The following SUMF1 variants were observed in gnomAD, a reference collection of about 807,000 sequenced individuals.
SUMF1 encodes sulfatase modifying factor 1.
A neutral mutation model predicts 47.6 loss-of-function variants in SUMF1; 48 were observed. The ratio of observed to expected loss-of-function variants is 1.01; its 90% CI spans 0.80 to 1.28. The LOEUF is 1.28. SUMF1 is among the 50% of genes most tolerant of loss of function. SUMF1 has a pLI of 0.00. For synonymous variants in SUMF1, 230 were observed against 192.1 expected, an observed-to-expected ratio of 1.20 and a Z score of -1.63; for missense variants, 571 against 485.4, an observed-to-expected ratio of 1.18 and a Z score of -1.66.
intron 8 of SUMF1, among the ~76,000 whole-genome samples, chr3:4,260,473 T>C (rs941756115): frequency 3.3e-5 from 5 of 152,346 alleles, no homozygotes; most frequent in East Asian, 3.9e-4. Flanking sequence ...CCAATCTACA[T>C]GACTTTGAGC....
At chr3:4,302,866 G>C (rs1345993879) in intron 8 of SUMF1, among the ~76,000 whole-genome samples, 3 of 152,134 alleles carry the variant, frequency 2.0e-5, no homozygotes, top group African/African-American at 7.2e-5. Flanking sequence ...AAGGGGCACG[G>C]ATACCTCCAT....
chr3:4,303,098 C>G (rs898264607), intron 8 of SUMF1, among the ~76,000 whole-genome samples: 2 of 152,202 alleles, frequency 1.3e-5, no homozygotes, highest in African/African-American at 4.8e-5. Context: ...ACCTCGAAAG[C>G]CCCCTCTCTG....
intron 8 of SUMF1, among the ~76,000 whole-genome samples, chr3:4,135,546 C>G (rs748205798): frequency 6.6e-6 from 1 of 152,104 alleles, no homozygotes; most frequent in Non-Finnish European, 1.5e-5. Flanking sequence ...TGGAAGCATT[C>G]CCCTTGAAAA....
rs528562740 is a variant in SUMF1, at chr3:4,275,279, A to G, written c.1014+101051T>C. Among the ~76,000 whole-genome samples, 70 of 152,298 alleles carry G rather than the reference A, an allele frequency of 4.6e-4. 1 individual carries two copies. Among genetic ancestry groups the G allele is most frequent in the African/African-American group, 1.6e-3 (68 of 41,572 alleles). On this transcript the variant is annotated intron_variant and NMD_transcript_variant, in intron 8 of 12. Coordinates refer to the SUMF1 transcript ENST00000448413. ...AATAATATGTATTGTCTCATATACA[A>G]TATGAGATGTTCACAGGCAGAGAAA...
rs530740669 is a variant in SUMF1, at chr3:4,138,606, C to G, written c.1015-69861G>C. On this transcript the variant is annotated intron_variant and NMD_transcript_variant, in intron 8 of 12. Transcript: ENST00000448413. ...TCCCTAGTTGGCAATACCCTTTGAG[C>G]TTTGAGTATTGTCACACATCACAGC... Among the ~76,000 whole-genome samples the G allele has an allele frequency of 2.6e-5, 4 of 152,236 alleles. No homozygotes were observed. The East Asian group carries it at 7.7e-4, about 29-fold the overall frequency.
chr3:4,288,852 C>A (rs1438932864), intron 8 of SUMF1, among the ~76,000 whole-genome samples: 1 of 151,636 alleles, frequency 6.6e-6, no homozygotes, highest in African/African-American at 2.4e-5. Context: ...TTTCTAAATA[C>A]AATTTAATTT....
chr3:4,347,841 G>A lies in SUMF1; in HGVS notation c.1014+28489C>T, dbSNP rs146562102. Among the ~76,000 whole-genome samples, 733 of 152,206 alleles carry A rather than the reference G, an allele frequency of 4.8e-3. 7 individuals are homozygous for A. Among genetic ancestry groups the A allele is most frequent in the African/African-American group, 0.017 (707 of 41,512 alleles). Reference sequence around the variant, plus strand: ...TAAGAAACTTCAGCAAAGTCTCAGGGTACAAAAGTCAACGTGCAAAAATCA... The same window carrying A: ...TAAGAAACTTCAGCAAAGTCTCAGGATACAAAAGTCAACGTGCAAAAATCA... On this transcript the variant is annotated intron_variant and NMD_transcript_variant, in intron 8 of 12. Coordinates refer to the SUMF1 transcript ENST00000448413.
chr3:4,269,377 T>C (rs566085786), intron 8 of SUMF1, among the ~76,000 whole-genome samples: 1 of 152,266 alleles, frequency 6.6e-6, no homozygotes, highest in South Asian at 2.1e-4. Context: ...GCTTCATAAT[T>C]CACTATTAGC....
intron 3 of SUMF1, among the ~76,000 whole-genome samples, chr3:4,448,041 A>T (rs2125120570): frequency 7.5e-6 from 1 of 134,184 alleles, no homozygotes; most frequent in Non-Finnish European, 1.7e-5. Context: ...AGCCCTTTAA[A>T]AAAAAAAGTA....
At chr3:4,335,537 G>C (rs2125133083) in intron 8 of SUMF1, among the ~76,000 whole-genome samples, 1 of 152,306 alleles carries the variant, frequency 6.6e-6, no homozygotes, top group South Asian at 2.1e-4. Flanking sequence ...CCATAAAGGA[G>C]TTCTGCAGCA....
chr3:4,061,378 T>A (rs1041505797), intron 9 of SUMF1, among the ~76,000 whole-genome samples: 4 of 152,106 alleles, frequency 2.6e-5, no homozygotes, highest in Non-Finnish European at 5.9e-5. Flanking sequence ...ACCAGATCTC[T>A]CACCCATCAT....
At chr3:4,288,306 T>C (rs1482299469) in intron 8 of SUMF1, among the ~76,000 whole-genome samples, 3 of 152,158 alleles carry the variant, frequency 2.0e-5, no homozygotes, top group Non-Finnish European at 4.4e-5. Context: ...AGCACAAAAA[T>C]GTCATCAGCT....
chr3:4,066,830 C>A (rs971771455), intron 9 of SUMF1, among the ~76,000 whole-genome samples: 1 of 152,140 alleles, frequency 6.6e-6, no homozygotes, highest in African/African-American at 2.4e-5. Context: ...CTGGCATTTC[C>A]ATAACAGTTC....
chr3:4,388,692 A>G (rs2124917004), intron 7 of SUMF1, among the ~76,000 whole-genome samples: 1 of 151,958 alleles, frequency 6.6e-6, no homozygotes, highest in Admixed American at 6.6e-5. Flanking sequence ...AAAGAATTCC[A>G]TTTTTATGTA....
intron 8 of SUMF1, among the ~76,000 whole-genome samples, chr3:4,221,099 C>G (rs1696050281): frequency 6.6e-6 from 1 of 152,106 alleles, no homozygotes; most frequent in Non-Finnish European, 1.5e-5. Context: ...AGCATCTGGT[C>G]ACATCAGAGA....
chr3:4,440,153 T>C (rs773124342), intron 3 of SUMF1, among the ~76,000 whole-genome samples: 1 of 150,824 alleles, frequency 6.6e-6, no homozygotes, highest in Non-Finnish European at 1.5e-5. Context: ...GGAGAATCAC[T>C]TGAACCCAGG....
At chr3:4,160,293 G>A (rs546979166) in intron 8 of SUMF1, among the ~76,000 whole-genome samples, 9 of 152,120 alleles carry the variant, frequency 5.9e-5, no homozygotes, top group African/African-American at 2.2e-4. Context: ...AGGCTGGGGT[G>A]CAGTGGTACA....
chr3:4,156,156 T>C (rs1054551630), intron 8 of SUMF1, among the ~76,000 whole-genome samples: 1 of 151,374 alleles, frequency 6.6e-6, no homozygotes, highest in Non-Finnish European at 1.5e-5. Context: ...GACTTAAGGG[T>C]TCCTGCAGAA....
intron 8 of SUMF1, among the ~76,000 whole-genome samples, chr3:4,173,270 A>T (rs1438588701): frequency 6.6e-6 from 1 of 152,180 alleles, no homozygotes; most frequent in East Asian, 1.9e-4. Flanking sequence ...GTAGCCTTGT[A>T]GTATAGTTTG....
Sources: allele counts gnomAD v4.1 joint callset (sites outside exome capture counted in the v4.1 genomes callset), GRCh38; gene constraint gnomAD v4.1.1; transcripts MANE v1.5; gene names NCBI Gene and HGNC (gene_info 2026-07-23, HGNC 2026-07-21).